CPNE4: variants seen among roughly 807,000 people sequenced by gnomAD.
The protein encoded by CPNE4 is copine-4.
Under a neutral mutation model 67.9 loss-of-function variants are expected in CPNE4, and 25 were observed. That is an observed-to-expected ratio of 0.37 (90% confidence interval 0.27 to 0.51). The LOEUF (loss-of-function observed/expected upper bound fraction) is 0.51, where lower values mean the gene tolerates loss of function less well. CPNE4 is among the 20% of genes least tolerant of loss of function. CPNE4 has a pLI of 0.93. For missense variants in CPNE4, 464 were observed against 690.8 expected, an observed-to-expected ratio of 0.67 and a Z score of 3.68; for synonymous variants, 242 against 244.9, an observed-to-expected ratio of 0.99 and a Z score of 0.11.
At chr3:131,978,928 A>T (rs1478437510) in intron 1 of CPNE4, among the ~76,000 whole-genome samples, 1 of 151,910 alleles carries the variant, frequency 6.6e-6, no homozygotes, top group Non-Finnish European at 1.5e-5. Flanking sequence ...TTTAGTTTTC[A>T]TCTTAATTTT....
At chr3:131,553,410 T>A (rs550387442) in intron 12 of CPNE4, among the ~76,000 whole-genome samples, 41 of 152,200 alleles carry the variant, frequency 2.7e-4, no homozygotes, top group South Asian at 8.3e-4. Context: ...TTGTTTACCT[T>A]AAGTTTTTTC....
chr3:131,706,056 A>G lies in CPNE4; in HGVS notation c.361-6076T>C, dbSNP rs374605433. Among the ~76,000 whole-genome samples, 9 of 152,320 alleles carry G rather than the reference A, an allele frequency of 5.9e-5. No homozygotes were observed. The East Asian group carries it at 7.7e-4, about 13-fold the overall frequency. ...TCCCCTAGCACCTAATGTCCTGGCC[A>G]GAGCATTTTGTCGGGTCAAGGGCAC... On this transcript the variant is annotated intron_variant, in intron 3 of 15. Coordinates refer to ENST00000429747, the MANE Select transcript of CPNE4 (RefSeq NM_130808.3).
chr3:131,924,068 T>A (rs2070823087), intron 1 of CPNE4, among the ~76,000 whole-genome samples: 1 of 152,192 alleles, frequency 6.6e-6, no homozygotes, highest in Non-Finnish European at 1.5e-5. Context: ...TGATAGTGGC[T>A]ACTTGCAGGG....
chr3:131,710,331 T>C (rs1019264689), intron 3 of CPNE4, among the ~76,000 whole-genome samples: 3 of 152,160 alleles, frequency 2.0e-5, no homozygotes, highest in African/African-American at 7.2e-5. Flanking sequence ...AGTATTTTGG[T>C]GGAGTGTCCA....
At position 131,671,745 on chromosome 3, in the gene CPNE4, ACAG is replaced by A. The variant is rs971902572; in HGVS notation, c.592-1984_592-1982del. Among the ~76,000 whole-genome samples the A allele has an allele frequency of 1.1e-4, 16 of 152,312 alleles. 1 individual carries two copies. Among genetic ancestry groups the A allele is most frequent in the Admixed American group, 6.5e-4 (10 of 15,284 alleles). ...GGAGAGGAGGTTCTGGAAGAAAAGT[ACAG>A]CAATAGTCATCCTTTCAATTTTTTA... On this transcript the variant is annotated intron_variant, in intron 6 of 15. Coordinates refer to ENST00000429747, the MANE Select transcript of CPNE4 (RefSeq NM_130808.3).
intron 2 of CPNE4, among the ~76,000 whole-genome samples, chr3:131,737,115 C>CTTTTTTTTTTGTTTTTTTTTTT (rs2082254395): frequency 2.0e-5 from 1 of 49,362 alleles, no homozygotes; most frequent in African/African-American, 7.6e-5. Context: ...AGTATTGTGT[C>CTTTTTTTTTTGTTTTTTTTTTT]TTTTTTTTTT....
Position 131,699,818 on chromosome 3 carries a change from A to C in CPNE4, c.432+91T>G, listed in dbSNP as rs2081248009. The C allele has an allele frequency of 3.3e-6, 3 of 906,816 alleles. No individual in the cohort carries two copies. The South Asian group carries it at 5.3e-5, about 16-fold the overall frequency. The allele number at this position is 906,816 out of a possible 1,614,324, so 56.2% of individuals were successfully genotyped here. A position where few individuals can be genotyped will look rare whatever the true frequency, so the allele number is the denominator to read the frequency against. On this transcript the variant is annotated intron_variant, in intron 4 of 15. Coordinates refer to ENST00000429747, the MANE Select transcript of CPNE4 (RefSeq NM_130808.3). ...TTGTGGCACCAACTCCCAATATCAG[A>C]AAGTCTGCTTCCCAAGTGTCTGGTT...
At chr3:131,960,206 C>G (rs143747550) in intron 1 of CPNE4, among the ~76,000 whole-genome samples, 78 of 152,128 alleles carry the variant, frequency 5.1e-4, no homozygotes, top group African/African-American at 1.8e-3. Context: ...GAAACCGTTA[C>G]TGCTTGAAAA....
At chr3:131,950,885 T>C (rs972627931) in intron 1 of CPNE4, among the ~76,000 whole-genome samples, 6 of 152,204 alleles carry the variant, frequency 3.9e-5, no homozygotes, top group Non-Finnish European at 5.9e-5. Flanking sequence ...TGTCAACTTG[T>C]GGTTATTTGT....
At chr3:131,984,047 T>A (rs2072977676) in intron 1 of CPNE4, among the ~76,000 whole-genome samples, 1 of 152,192 alleles carries the variant, frequency 6.6e-6, no homozygotes, top group Non-Finnish European at 1.5e-5. Flanking sequence ...ACTGCTCCTA[T>A]GTAGAGCTCA....
chr3:131,840,672 T>C (rs1298786209), intron 2 of CPNE4, among the ~76,000 whole-genome samples: 1 of 152,198 alleles, frequency 6.6e-6, no homozygotes, highest in African/African-American at 2.4e-5. Flanking sequence ...GCCATGCCAG[T>C]TGTATGTCCC....
intron 7 of CPNE4, among the ~76,000 whole-genome samples, chr3:131,624,481 C>CT (rs1193312486): frequency 6.6e-6 from 1 of 151,982 alleles, no homozygotes; most frequent in African/African-American, 2.4e-5. Flanking sequence ...TCCCCAGAGC[C>CT]TTTTTTTGTC....
intron 5 of CPNE4, among the ~76,000 whole-genome samples, chr3:131,692,110 CTAAG>C (rs946914185): frequency 6.6e-6 from 1 of 152,056 alleles, no homozygotes; most frequent in African/African-American, 2.4e-5. Flanking sequence ...AGAAATTTAG[CTAAG>C]TAAGAGGGTG....
At chr3:131,620,253 T>G (rs1372174783) in intron 7 of CPNE4, among the ~76,000 whole-genome samples, 2 of 152,240 alleles carry the variant, frequency 1.3e-5, no homozygotes, top group Non-Finnish European at 2.9e-5. Context: ...CAAAAATTGC[T>G]GTAATTGTTT....
intron 12 of CPNE4, 35 bp from the exon 13 acceptor site, chr3:131,552,526 A>C: frequency 6.3e-7 from 1 of 1,576,150 alleles, no homozygotes; most frequent in East Asian, 2.2e-5. Flanking sequence ...AACAGGAAGA[A>C]AGAAGAATTA....
chr3:131,987,918 C>T (rs2107646368), intron 1 of CPNE4, among the ~76,000 whole-genome samples: 1 of 152,220 alleles, frequency 6.6e-6, no homozygotes, highest in African/African-American at 2.4e-5. Context: ...TTATAATGTG[C>T]CAAGCACAGG....
intron 2 of CPNE4, among the ~76,000 whole-genome samples, chr3:131,805,512 G>C (rs2084275140): frequency 1.3e-5 from 2 of 152,186 alleles, no homozygotes; most frequent in African/African-American, 4.8e-5. Context: ...TACAGTCTGG[G>C]TATTGGGTAG....
At chr3:131,828,747 C>A (rs539441856) in intron 2 of CPNE4, among the ~76,000 whole-genome samples, 2 of 152,230 alleles carry the variant, frequency 1.3e-5, no homozygotes, top group South Asian at 4.2e-4. Flanking sequence ...GTGAGAGGAT[C>A]ACTTGAGCCC....
chr3:131,855,958 TCTC>T (rs545674364), intron 2 of CPNE4, among the ~76,000 whole-genome samples: 88 of 152,056 alleles, frequency 5.8e-4, no homozygotes, highest in African/African-American at 2.0e-3. Flanking sequence ...CTTTCTGAGT[TCTC>T]CTCTGACTGA....
Sources: allele counts gnomAD v4.1 joint callset (sites outside exome capture counted in the v4.1 genomes callset), GRCh38; gene constraint gnomAD v4.1.1; transcripts MANE v1.5; gene names NCBI Gene and HGNC (gene_info 2026-07-23, HGNC 2026-07-21).